GPR137C: variants seen among roughly 807,000 people sequenced by gnomAD.
The protein encoded by GPR137C is integral membrane protein GPR137C.
Under a neutral mutation model 43.4 loss-of-function variants are expected in GPR137C, and 27 were observed. That is an observed-to-expected ratio of 0.62 (90% CI 0.46 to 0.86). GPR137C has a LOEUF of 0.86. GPR137C is among the 40% of genes least tolerant of loss of function. The probability of loss-of-function intolerance (pLI) is 0.00; values close to 1 mark genes in which losing one functional copy is unlikely to be tolerated. For missense variants in GPR137C, 522 were observed against 534.6 expected (o/e 0.98, Z 0.23); for synonymous variants, 285 against 226.9 (o/e 1.26, Z -2.30).
chr14:52,631,672 CTG>C (rs1159678744), intron 3 of GPR137C, among the ~76,000 whole-genome samples: 1 of 152,078 alleles, frequency 6.6e-6, no homozygotes, highest in Admixed American at 6.6e-5. Context: ...GCCATCAACA[CTG>C]TAGCATCAAT....
chr14:52,604,628 A>G (rs1360615273), intron 3 of GPR137C, among the ~76,000 whole-genome samples: 1 of 151,944 alleles, frequency 6.6e-6, no homozygotes, highest in African/African-American at 2.4e-5. Flanking sequence ...TTGTATTTTT[A>G]GTAGAGATGG....
In GPR137C at chr14:52,591,630, G is replaced by A. The variant is rs796179889; in HGVS notation, c.445-6642G>A. Among the ~76,000 whole-genome samples, 6 of 152,166 alleles carry A rather than the reference G, an allele frequency of 3.9e-5. No homozygotes were observed. The South Asian group carries it at 1.2e-3, about 32-fold the overall frequency. ...TGTTGGCTGCATAAATGTCTTTTCA[G>A]AAGTGTCTGTTCATATCCTTCGCCC... On this transcript the variant is annotated intron_variant, in intron 1 of 6. Transcript: ENST00000321662.
intron 3 of GPR137C, among the ~76,000 whole-genome samples, chr14:52,606,542 G>A (rs1177851061): frequency 1.3e-5 from 2 of 152,092 alleles, no homozygotes; most frequent in African/African-American, 4.8e-5. Flanking sequence ...AGGCTCAAGT[G>A]ATCCTCCCAC....
At chr14:52,560,271 A>G (rs1231206115) in intron 1 of GPR137C, among the ~76,000 whole-genome samples, 1 of 152,226 alleles carries the variant, frequency 6.6e-6, no homozygotes, top group Non-Finnish European at 1.5e-5. Flanking sequence ...GAGAAATTAA[A>G]GAGGCCTCAG....
intron 1 of GPR137C, among the ~76,000 whole-genome samples, chr14:52,585,028 T>C (rs2038694886): frequency 6.6e-6 from 1 of 152,204 alleles, no homozygotes; most frequent in South Asian, 2.1e-4. Context: ...AACCTTTCTA[T>C]TCATGTGTTC....
rs1262030752 is a variant in GPR137C, at chr14:52,598,022, GAATT to G, written c.445-245_445-242del. Among the ~76,000 whole-genome samples, 3 of 152,118 alleles carry G rather than the reference GAATT, an allele frequency of 2.0e-5. 1 individual carries two copies. The highest frequency in any genetic ancestry group is 7.2e-5 in the African/African-American group (3 of 41,426). On this transcript the variant is annotated intron_variant, in intron 1 of 6. Transcript: ENST00000321662. The stretch of plus-strand genomic sequence containing the variant: ...TACAAGTACAGTATATGTTTAAACT[GAATT>G]AATTCTGTTTAAATCTTTAAAGATA...
chr14:52,568,477 G>A (rs2038408810), intron 1 of GPR137C, among the ~76,000 whole-genome samples: 1 of 152,080 alleles, frequency 6.6e-6, no homozygotes, highest in African/African-American at 2.4e-5. Flanking sequence ...CTGGAAAGGG[G>A]GCTGAAGCCA....
chr14:52,562,785 A>G (rs747608477), intron 1 of GPR137C, among the ~76,000 whole-genome samples: 1 of 152,238 alleles, frequency 6.6e-6, no homozygotes, highest in Admixed American at 6.5e-5. Flanking sequence ...AACCTGGAAT[A>G]TTTACATTAG....
chr14:52,622,330 G>T (rs369167121), intron 3 of GPR137C, among the ~76,000 whole-genome samples: 1 of 151,892 alleles, frequency 6.6e-6, no homozygotes, highest in Admixed American at 6.6e-5. Context: ...GTAACATCGC[G>T]CATTAATCAT....
At chr14:52,623,341 G>A (rs1222268302) in intron 3 of GPR137C, among the ~76,000 whole-genome samples, 2 of 152,168 alleles carry the variant, frequency 1.3e-5, no homozygotes, top group Admixed American at 6.5e-5. Flanking sequence ...CAGGCATTCA[G>A]CAATGTCAAT....
chr14:52,585,385 T>TCG (rs1433378497), intron 1 of GPR137C, among the ~76,000 whole-genome samples: 1 of 152,188 alleles, frequency 6.6e-6, no homozygotes, highest in Non-Finnish European at 1.5e-5. Context: ...ACTTGCTCTC[T>TCG]CTCTCGCTCT....
intron 1 of GPR137C, among the ~76,000 whole-genome samples, chr14:52,554,190 A>T (rs2038153839): frequency 1.3e-5 from 2 of 152,216 alleles, no homozygotes; most frequent in Admixed American, 1.3e-4. Context: ...AATGCTGAGG[A>T]TCAGGATAAG....
intron 3 of GPR137C, chr14:52,612,222 A>C (rs1488695493): frequency 2.0e-6 from 2 of 982,526 alleles, no homozygotes; most frequent in African/African-American, 3.5e-5. Context: ...CACCACTGAC[A>C]CTTAACTGTA....
chr14:52,610,568 G>A lies in GPR137C; in HGVS notation c.717+10227G>A, dbSNP rs556163373. Among the ~76,000 whole-genome samples the A allele has an allele frequency of 1.4e-4, 22 of 152,136 alleles. 1 individual carries two copies. The South Asian group carries it at 4.6e-3, about 32-fold the overall frequency. ...GATTTATAAATTAAATTTTATTATAGGTATGTATGGATAAGAAAAAAAGTA... is the reference window on the plus strand; with the variant it reads ...GATTTATAAATTAAATTTTATTATAAGTATGTATGGATAAGAAAAAAAGTA... On this transcript the variant is annotated intron_variant, in intron 3 of 6. Transcript: ENST00000321662.
chr14:52,587,005 C>G (rs536205396), intron 1 of GPR137C, among the ~76,000 whole-genome samples: 11 of 152,204 alleles, frequency 7.2e-5, no homozygotes, highest in Admixed American at 1.3e-4. Context: ...TATAGCCAGC[C>G]CAATTCTTCA....
Position 52,602,343 on chromosome 14 carries a change from C to G in GPR137C, c.717+2002C>G, listed in dbSNP as rs183682358. 4.0e-3 allele frequency among the ~76,000 whole-genome samples: 610 copies of G among 152,018 alleles called. 9 individuals carry two copies. The highest frequency in any genetic ancestry group is 6.2e-3 in the Non-Finnish European group (422 of 67,906). Reference sequence around the variant, plus strand: ...TCTGTCCCTCTCTCTCTCTCTCCCTCTCAATACCTTTGTTACGCTTTCACT... The same window carrying G: ...TCTGTCCCTCTCTCTCTCTCTCCCTGTCAATACCTTTGTTACGCTTTCACT... On this transcript the variant is annotated intron_variant, in intron 3 of 6. Coordinates refer to ENST00000321662, the MANE Select transcript of GPR137C (RefSeq NM_001099652.2).
Position 52,600,280 on chromosome 14 carries a change from T to C in GPR137C, c.656T>C (p.Leu219Ser), listed in dbSNP as rs1377914001. 2 of 1,613,414 alleles carry C rather than the reference T, an allele frequency of 1.2e-6. No homozygotes were observed. Among genetic ancestry groups the C allele is most frequent in the Non-Finnish European group, 1.7e-6 (2 of 1,179,476 alleles). Residue 219 changes from leucine (L) to serine (S), a missense_variant, in exon 3 of 7, where the codon TTA (leucine) becomes TCA (serine). Transcript: ENST00000321662. ...DSLFILCAISLVCYICKITKM... is the reference protein window; with the variant it reads ...DSLFILCAISSVCYICKITKM... ...CTGTTTATTCTTTGTGCCATCTCTT[T>C]AGTGTGTTACATATGCAAAATTACA...
At chr14:52,568,979 A>G (rs2038419496) in intron 1 of GPR137C, among the ~76,000 whole-genome samples, 2 of 152,148 alleles carry the variant, frequency 1.3e-5, no homozygotes, top group Admixed American at 6.5e-5. Context: ...TGGGTCCCTG[A>G]CCACTTTGCC....
chr14:52,564,948 T>C (rs2038343873), intron 1 of GPR137C, among the ~76,000 whole-genome samples: 2 of 150,992 alleles, frequency 1.3e-5, no homozygotes, highest in Non-Finnish European at 3.0e-5. Flanking sequence ...AAAAAATGCT[T>C]GCTTTAAAAC....
Sources: gnomAD v4.1 joint callset for allele counts (sites outside exome capture counted in the v4.1 genomes callset) on GRCh38, gnomAD v4.1.1 for gene constraint, MANE v1.5 for transcripts, NCBI Gene and HGNC (gene_info 2026-07-23, HGNC 2026-07-21) for gene names.